Variants in CLEC2L observed in about 807,000 individuals in gnomAD.
The protein encoded by CLEC2L is C-type lectin domain family 2, member L.
CLEC2L carries 14 observed loss-of-function variants against 23.6 expected under a neutral mutation model. The observed-to-expected ratio is 0.59, with a 90% CI of 0.39 to 0.93. CLEC2L has a LOEUF of 0.93. Ranked by LOEUF, CLEC2L falls within the 40% of genes least tolerant of loss-of-function variation. The probability of loss-of-function intolerance (pLI) is 0.00; values close to 1 mark genes in which losing one functional copy is unlikely to be tolerated. For missense variants in CLEC2L, 264 were observed against 282.4 expected (o/e 0.93, Z 0.47); for synonymous variants, 114 against 121.3 (o/e 0.94, Z 0.40).
intron 1 of CLEC2L, among the ~76,000 whole-genome samples, chr7:139,527,960 G>C (rs903168550): frequency 1.3e-5 from 2 of 152,154 alleles, no homozygotes; most frequent in Non-Finnish European, 2.9e-5. Context: ...TTTGGGATAT[G>C]AGTGTGAGGA....
At chr7:139,528,327 A>G (rs7777960) in intron 1 of CLEC2L, among the ~76,000 whole-genome samples, 18,965 of 152,182 alleles carry the variant, frequency 0.12, 2,719 homozygotes, top group African/African-American at 0.35. Context: ...ATGAAGACAA[A>G]GGCACTGTAT....
intron 1 of CLEC2L, among the ~76,000 whole-genome samples, chr7:139,532,420 T>G (rs1797594019): frequency 6.6e-6 from 1 of 151,846 alleles, no homozygotes; most frequent in African/African-American, 2.4e-5. Context: ...GGAGCCAACA[T>G]AGGAGAGAGG....
chr7:139,524,163 C>A, intron 1 of CLEC2L, 46 bp downstream of exon 1: 1 of 1,178,902 alleles, frequency 8.5e-7, no homozygotes, highest in Non-Finnish European at 1.1e-6. Flanking sequence ...GACCCCTGCC[C>A]AGGCCCGACC....
intron 1 of CLEC2L, among the ~76,000 whole-genome samples, chr7:139,528,791 C>T (rs914709781): frequency 2.6e-5 from 4 of 152,112 alleles, no homozygotes; most frequent in African/African-American, 9.7e-5. Context: ...CGTCAGCAAC[C>T]ACTGGACACT....
intron 1 of CLEC2L, among the ~76,000 whole-genome samples, chr7:139,528,839 G>A (rs1183308563): frequency 6.6e-6 from 1 of 152,190 alleles, no homozygotes; most frequent in African/African-American, 2.4e-5. Flanking sequence ...AGAGGTCAGA[G>A]GAAGCATGGT....
chr7:139,534,569 A>C, intron 1 of CLEC2L: 1 of 735,994 alleles, frequency 1.4e-6, no homozygotes, highest in Non-Finnish European at 2.5e-6. Flanking sequence ...TATTGGAAGC[A>C]TTAGGGGGGT....
At chr7:139,524,862 A>G (rs979477506) in intron 1 of CLEC2L, among the ~76,000 whole-genome samples, 3 of 152,130 alleles carry the variant, frequency 2.0e-5, no homozygotes, top group Non-Finnish European at 4.4e-5. Flanking sequence ...ATCCAAGGAC[A>G]AGGAGGACCT....
At position 139,542,009 on chromosome 7, in the gene CLEC2L, T is replaced by C; in HGVS notation, c.433-12T>C. On this transcript the variant is annotated splice_polypyrimidine_tract_variant and intron_variant, in intron 3 of 4. Coordinates refer to ENST00000422142, the MANE Select transcript of CLEC2L (RefSeq NM_001080511.4). ...CATCTGACCCTGAGGTGTCCCTTTT[T>C]CCTCGGTGCAGGAATTTATGTTCAA... 5.0e-6 allele frequency: 8 copies of C among 1,599,628 alleles called. No homozygotes were observed. Among genetic ancestry groups the C allele is most frequent in the Non-Finnish European group, 6.8e-6 (8 of 1,171,028 alleles).
chr7:139,532,969 T>C (rs1261064759), intron 1 of CLEC2L, among the ~76,000 whole-genome samples: 2 of 152,176 alleles, frequency 1.3e-5, no homozygotes, highest in Non-Finnish European at 2.9e-5. Flanking sequence ...GGTGTTGAAA[T>C]AATGATACCC....
At chr7:139,528,420 C>T (rs1797534789) in intron 1 of CLEC2L, among the ~76,000 whole-genome samples, 1 of 152,152 alleles carries the variant, frequency 6.6e-6, no homozygotes, top group South Asian at 2.1e-4. Flanking sequence ...ACTTACAGTT[C>T]CACATGGCTG....
At chr7:139,525,600 C>G (rs139236805) in intron 1 of CLEC2L, among the ~76,000 whole-genome samples, 3 of 152,178 alleles carry the variant, frequency 2.0e-5, no homozygotes, top group African/African-American at 7.2e-5. Context: ...TGTGTTCCCA[C>G]GCTTCACTCC....
chr7:139,524,887 A>G (rs954081027), intron 1 of CLEC2L, among the ~76,000 whole-genome samples: 1 of 152,090 alleles, frequency 6.6e-6, no homozygotes, highest in Admixed American at 6.5e-5. Context: ...AGCATTAACT[A>G]GGGAAGCCTG....
At chr7:139,530,490 G>A (rs1344343860) in intron 1 of CLEC2L, among the ~76,000 whole-genome samples, 1 of 152,064 alleles carries the variant, frequency 6.6e-6, no homozygotes, top group Non-Finnish European at 1.5e-5. Context: ...CTCCAGCTCT[G>A]GCAGGAACCT....
chr7:139,524,436 C>T (rs1360732902), intron 1 of CLEC2L, among the ~76,000 whole-genome samples: 1 of 152,246 alleles, frequency 6.6e-6, no homozygotes, highest in Admixed American at 6.5e-5. Flanking sequence ...CTGCCTGACA[C>T]CCACCAGACA....
chr7:139,536,203 G>T, intron 1 of CLEC2L, 71 bp from the exon 2 acceptor site: 6 of 1,180,822 alleles, frequency 5.1e-6, no homozygotes, highest in Non-Finnish European at 7.3e-6. Context: ...TCATTAGCAG[G>T]GTATGGGGCT....
chr7:139,540,498 CAAGGTG>C lies in CLEC2L; in HGVS notation c.432+16_432+21del. The C allele has an allele frequency of 6.3e-7, 1 of 1,579,636 alleles. No individual in the cohort carries two copies. ...AGCCAGAAGGAGCTGGTGAGTGTGC[CAAGGTG>C]AAGGGGGTTGGGGGAAGGGACCCTC... On this transcript the variant is annotated intron_variant, in intron 3 of 4. Coordinates refer to ENST00000422142, the MANE Select transcript of CLEC2L (RefSeq NM_001080511.4). This position sits in a 1 kb window ranked among gnomAD's most constrained non-coding sequence, Gnocchi z 5.8.
rs773969849 is a variant in CLEC2L at position 139,540,448 on chromosome 7, C to CGGTGTGCTGTGATTCACG, written c.394_395insGTGTGCTGTGATTCACGG (p.His131_Glu132insGlyValLeuTer). 3 of 1,601,822 alleles carry CGGTGTGCTGTGATTCACG rather than the reference C, an allele frequency of 1.9e-6. No individual in the cohort carries two copies. In the South Asian group the frequency reaches 3.4e-5, roughly 18 times the overall value. ...CAGGCAGGCAGTACTGCCACACCCA[C>CGGTGTGCTGTGATTCACG]GAGGCGGTGCTGGCTGTGATTCAGA... On this transcript the variant is annotated stop_gained and inframe_insertion, in exon 3 of 5. Coordinates refer to ENST00000422142, the MANE Select transcript of CLEC2L (RefSeq NM_001080511.4). LOFTEE classifies it high-confidence loss of function. This position sits in a 1 kb window ranked among gnomAD's most constrained non-coding sequence, Gnocchi z 5.8.
chr7:139,536,784 G>A (rs969514291), intron 2 of CLEC2L, among the ~76,000 whole-genome samples: 2 of 151,904 alleles, frequency 1.3e-5, no homozygotes, highest in African/African-American at 4.8e-5. Flanking sequence ...AGACCAGCCT[G>A]GCCAACATGG....
rs1463348231 is a variant in CLEC2L, at chr7:139,544,260, T to C, written c.563T>C (p.Val188Ala). 3.7e-6 allele frequency: 6 copies of C among 1,613,548 alleles called. No homozygotes were observed. The highest frequency in any genetic ancestry group is 4.2e-6 in the Non-Finnish European group (5 of 1,179,724). The change falls in exon 5 of 5, where the codon GTC becomes GCC. Residue 188 changes from valine (V) to alanine (A), a missense_variant. By Grantham distance (64) the Val-to-Ala change is moderately conservative. Transcript: ENST00000422142. ...TFTIAGPGECVFVEPTRLVST... is the reference protein window; with the variant it reads ...TFTIAGPGECAFVEPTRLVST... ...ACCATCGCAGGTCCAGGGGAGTGTG[T>C]CTTCGTGGAGCCCACCAGGCTGGTG...
Sources: gnomAD v4.1 joint callset for allele counts (sites outside exome capture counted in the v4.1 genomes callset) on GRCh38, gnomAD v4.1.1 for gene constraint, Gnocchi (gnomAD v3.1) non-coding constraint, MANE v1.5 for transcripts, NCBI Gene and HGNC (gene_info 2026-07-23, HGNC 2026-07-21) for gene names.